Variants in BORA observed in about 807,000 individuals in gnomAD.
BORA encodes protein aurora borealis.
In BORA, 26 loss-of-function variants were observed where a neutral mutation model predicts 55.8. The observed-to-expected ratio is 0.47, with a 90% CI of 0.34 to 0.65. The LOEUF is 0.65. BORA is among the 30% of genes least tolerant of loss of function. The probability of loss-of-function intolerance (pLI) is 0.01; values close to 1 mark genes in which losing one functional copy is unlikely to be tolerated. For missense variants in BORA, 568 were observed against 671.5 expected (o/e 0.85, Z 1.70); for synonymous variants, 201 against 216.9 (o/e 0.93, Z 0.64).
At position 72,737,950 on chromosome 13, in the gene BORA, T is replaced by C. The variant is rs762878303; in HGVS notation, c.307-12T>C. On this transcript the variant is annotated splice_polypyrimidine_tract_variant and intron_variant, in intron 4 of 11. Transcript: ENST00000390667. Reference sequence around the variant, plus strand: ...GAATTTATGCCTAATTGTATGACTTTAATTTTCCTAGTTTTTCACTAAAGA... The same window carrying C: ...GAATTTATGCCTAATTGTATGACTTCAATTTTCCTAGTTTTTCACTAAAGA... 50 of 1,558,436 alleles carry C rather than the reference T, an allele frequency of 3.2e-5. No individual in the cohort carries two copies. Among genetic ancestry groups the C allele is most frequent in the Non-Finnish European group, 4.4e-5 (50 of 1,144,676 alleles).
At chr13:72,728,663 A>T (rs1026544242) in intron 1 of BORA, among the ~76,000 whole-genome samples, 1 of 152,232 alleles carries the variant, frequency 6.6e-6, no homozygotes, top group African/African-American at 2.4e-5. Context: ...ATTGCTGCGT[A>T]TAAGCCACTT....
chr13:72,745,805 T>G, intron 8 of BORA, 139 bp from the exon 9 acceptor site: 1 of 590,828 alleles, frequency 1.7e-6, no homozygotes, highest in African/African-American at 1.9e-5. Context: ...GTTGTCTTTG[T>G]TGCAAGGTGT....
intron 5 of BORA, 141 bp downstream of exon 5, chr13:72,738,184 G>A: frequency 2.5e-6 from 1 of 395,960 alleles, no homozygotes; most frequent in South Asian, 4.1e-5. Context: ...CTCCTTTTAG[G>A]GTTAGAATTA....
intron 3 of BORA, among the ~76,000 whole-genome samples, chr13:72,733,868 A>G (rs931659420): frequency 3.3e-5 from 5 of 152,222 alleles, no homozygotes; most frequent in African/African-American, 1.2e-4. Context: ...ATGGAATACT[A>G]TGCAGCCACA....
Position 72,737,996 on chromosome 13 carries a change from G to C in BORA, c.341G>C (p.Trp114Ser). Residue 114 changes from tryptophan to serine, a missense_variant, in exon 5 of 12, where the codon TGG becomes TCG. Coordinates refer to ENST00000390667, the MANE Select transcript of BORA (RefSeq NM_024808.5). The part of the protein sequence containing the change: ...FTKDVIVPSP[W>S]TDHEGKQLSQ... ...AAAGATGTCATCGTACCCTCTCCTT[G>C]GACTGATCATGAAGGGAAACAGCTT... The C allele has an allele frequency of 6.2e-7, 1 of 1,601,364 alleles. No individual in the cohort carries two copies. The highest frequency in any genetic ancestry group is 8.5e-7 in the Non-Finnish European group (1 of 1,172,072).
At chr13:72,735,055 A>G (rs759376889) in intron 4 of BORA, 50 bp downstream of exon 4, 5 of 1,381,376 alleles carry the variant, frequency 3.6e-6, no homozygotes, top group Admixed American at 1.8e-5. Flanking sequence ...TCAATTCTGC[A>G]TGTACATCAC....
chr13:72,742,516 G>A (rs1254372536), intron 5 of BORA, among the ~76,000 whole-genome samples: 2 of 151,594 alleles, frequency 1.3e-5, no homozygotes, highest in Non-Finnish European at 2.9e-5. Context: ...TAGCTAAAAG[G>A]TATCCCTAAC....
At chr13:72,730,328 CTT>C (rs912419690) in intron 2 of BORA, among the ~76,000 whole-genome samples, 37 of 152,256 alleles carry the variant, frequency 2.4e-4, no homozygotes, top group African/African-American at 8.4e-4. Context: ...AAATTTATCT[CTT>C]GGTCTTACTA....
intron 6 of BORA, 144 bp downstream of exon 6, chr13:72,743,746 C>T: frequency 4.9e-6 from 3 of 608,646 alleles, no homozygotes; most frequent in Non-Finnish European, 5.3e-6. Context: ...TTTTTTGAGA[C>T]AGGGTCACAC....
rs746750787 is a variant in BORA at position 72,746,475 on chromosome 13, A to AT, written c.872-18dup. The AT allele has an allele frequency of 3.8e-5, 60 of 1,570,858 alleles. No homozygotes were observed. In the African/African-American group the frequency reaches 3.8e-4, roughly 10 times the overall value. ...TCCATTTTCATGTTTTTATGATGTG[A>AT]TTTTTTTTCCCTTCCCACCTTTCAG... On this transcript the variant is annotated intron_variant, in intron 9 of 11. Transcript: ENST00000390667.
intron 7 of BORA, 89 bp downstream of exon 7, chr13:72,744,650 G>A: frequency 2.1e-6 from 2 of 974,786 alleles, no homozygotes; most frequent in South Asian, 1.5e-5. Context: ...TGGGAAATAT[G>A]TGGCAGTGCC....
intron 11 of BORA, chr13:72,754,305 C>CT (rs955339716): frequency 1.3e-3 from 190 of 151,192 alleles, no homozygotes; most frequent in African/African-American, 4.5e-3. Context: ...TATGCCGTTT[C>CT]TTTTTTTTCT....
chr13:72,731,980 A>T (rs1470852025), intron 3 of BORA, among the ~76,000 whole-genome samples: 1 of 152,146 alleles, frequency 6.6e-6, no homozygotes, highest in Non-Finnish European at 1.5e-5. Context: ...CAAGGCACTA[A>T]TGTACTGCAG....
intron 10 of BORA, chr13:72,753,007 T>C (rs779279332): frequency 7.9e-5 from 12 of 152,368 alleles, no homozygotes; most frequent in Middle Eastern, 3.4e-3. Flanking sequence ...CTGGATGACA[T>C]TGTGAAAGTT....
chr13:72,746,043 A>T lies in BORA; in HGVS notation c.838A>T (p.Ile280Phe). The change falls in exon 9 of 12, where the codon ATT becomes TTT. Residue 280 changes from isoleucine to phenylalanine, a missense_variant. Ile to Phe is a conservative substitution (Grantham distance 21). Transcript: ENST00000390667. ...SPISSPTFSP[I>F]EFQIGETPLS... ...TATTTCTTCACCCACTTTCTCACCA[A>T]TTGAATTTCAGATAGGAGAGACTCC... 1 of 1,612,254 alleles carries T rather than the reference A, an allele frequency of 6.2e-7. No individual in the cohort carries two copies. The highest frequency in any genetic ancestry group is 8.5e-7 in the Non-Finnish European group (1 of 1,178,462).
At chr13:72,746,194 A>T (rs1364418778) in intron 9 of BORA, 118 bp downstream of exon 9, 6 of 1,003,614 alleles carry the variant, frequency 6.0e-6, no homozygotes, top group Non-Finnish European at 8.7e-6. Flanking sequence ...ACCTTCTAAC[A>T]TTTAGGAACT....
At position 72,753,573 on chromosome 13, in the gene BORA, A is replaced by C. The variant is rs9543111; in HGVS notation, c.1483-117A>C. ...TTTTGAATTTTGTTCAACATGATCA[A>C]TATTACATGTTAGGATCATTCAGAT... On this transcript the variant is annotated intron_variant, in intron 10 of 11. Transcript: ENST00000390667. The C allele has an allele frequency of 8.6e-3, 9,236 of 1,072,022 alleles. 49 individuals are homozygous for C. Among genetic ancestry groups the C allele is most frequent in the Non-Finnish European group, 0.011 (8,167 of 746,000 alleles). 66.4% of individuals were successfully genotyped at this position (1,072,022 alleles called of 1,614,324 possible).
rs1347132189 is a variant in BORA at position 72,727,941 on chromosome 13, G to A, written c.-82G>A. On this transcript the variant is annotated 5_prime_UTR_variant, in exon 1 of 12. In the 5' UTR this introduces an upstream ATG that the reference lacks. Transcript: ENST00000390667. ...GGGAGTTAAAGAGTCTATGCCTGTC[G>A]TGGAAGCTGGCCTGGCCCCCGGAGC... is the stretch of plus-strand genomic sequence containing the variant. 1 of 1,550,638 alleles carries A rather than the reference G, an allele frequency of 6.4e-7. No homozygotes were observed.
chr13:72,748,114 T>TAG, intron 10 of BORA, among the ~76,000 whole-genome samples: 1 of 152,306 alleles, frequency 6.6e-6, no homozygotes, highest in East Asian at 1.9e-4. Flanking sequence ...TAACGTAGCA[T>TAG]TACTATGTGC....
Sources: gnomAD v4.1 joint callset for allele counts (sites outside exome capture counted in the v4.1 genomes callset) on GRCh38, gnomAD v4.1.1 for gene constraint, MANE v1.5 for transcripts, NCBI Gene and HGNC (gene_info 2026-07-23, HGNC 2026-07-21) for gene names.